Variants in TPST1 observed in about 807,000 individuals in gnomAD.
The protein encoded by TPST1 is protein-tyrosine sulfotransferase 1.
In TPST1, 20 loss-of-function variants were observed where a neutral mutation model predicts 34.8. The ratio of observed to expected loss-of-function variants is 0.57; its 90% CI spans 0.40 to 0.84. The LOEUF is 0.84. Ranked by LOEUF, TPST1 falls within the 40% of genes least tolerant of loss-of-function variation. The pLI is 0.00. For synonymous variants in TPST1, 152 were observed against 159.4 expected (o/e 0.95, Z 0.35); for missense variants, 353 against 455.5 (o/e 0.78, Z 2.05).
chr7:66,350,702 G>T (rs1259664066), intron 3 of TPST1, among the ~76,000 whole-genome samples: 1 of 152,146 alleles, frequency 6.6e-6, no homozygotes, highest in African/African-American at 2.4e-5. Context: ...TGCTCTGAAG[G>T]ACTATCCAGT....
At chr7:66,313,153 T>G (rs539400539) in intron 3 of TPST1, among the ~76,000 whole-genome samples, 11 of 152,058 alleles carry the variant, frequency 7.2e-5, no homozygotes, top group African/African-American at 2.6e-4. Context: ...CGGTGGCTCA[T>G]GCCTGTAATC....
intron 2 of TPST1, among the ~76,000 whole-genome samples, chr7:66,260,134 C>T (rs182318794): frequency 3.3e-5 from 5 of 152,158 alleles, no homozygotes; most frequent in East Asian, 1.9e-4. Flanking sequence ...ATCTCTTATC[C>T]GAAATGCTTG....
chr7:66,337,552 G>A (rs559186480), intron 3 of TPST1, among the ~76,000 whole-genome samples: 10 of 151,994 alleles, frequency 6.6e-5, no homozygotes, highest in Admixed American at 3.3e-4. Context: ...CAGGTGATCC[G>A]CCCATCTCGG....
At chr7:66,310,946 C>G (rs552379478) in intron 3 of TPST1, among the ~76,000 whole-genome samples, 1 of 152,134 alleles carries the variant, frequency 6.6e-6, no homozygotes, top group South Asian at 2.1e-4. Context: ...CCACCTTGGC[C>G]TCCCAAAGTT....
chr7:66,235,371 T>C (rs942607763), intron 1 of TPST1, among the ~76,000 whole-genome samples: 2 of 152,190 alleles, frequency 1.3e-5, no homozygotes, highest in Admixed American at 6.6e-5. Context: ...TTTTTTCTTA[T>C]TAAGCTGATA....
chr7:66,352,008 T>C (rs1471607372), intron 3 of TPST1, among the ~76,000 whole-genome samples: 1 of 152,204 alleles, frequency 6.6e-6, no homozygotes. Context: ...ACGGTTTATA[T>C]CATTTTAAGA....
At chr7:66,276,385 T>TATATATATATATA (rs1431495136) in intron 2 of TPST1, among the ~76,000 whole-genome samples, 19 of 137,686 alleles carry the variant, frequency 1.4e-4, no homozygotes, top group South Asian at 2.2e-4. Context: ...TATATATGTA[T>TATATATATATATA]TTTTTTGAGG....
intron 3 of TPST1, among the ~76,000 whole-genome samples, chr7:66,306,179 CT>C (rs1211344290): frequency 6.6e-6 from 1 of 152,172 alleles, no homozygotes; most frequent in Non-Finnish European, 1.5e-5. Context: ...AGACTGTTAT[CT>C]TGTATAGACT....
intron 1 of TPST1, among the ~76,000 whole-genome samples, chr7:66,208,268 C>T (rs1302822454): frequency 1.3e-5 from 2 of 152,124 alleles, no homozygotes; most frequent in South Asian, 2.1e-4. Context: ...CATTCACTAC[C>T]GTAAAATCAA....
intron 1 of TPST1, among the ~76,000 whole-genome samples, chr7:66,223,901 C>T (rs529873825): frequency 6.6e-6 from 1 of 152,268 alleles, no homozygotes; most frequent in South Asian, 2.1e-4. Context: ...TAACTTGAAC[C>T]TTTACAGATG....
At chr7:66,324,835 A>G (rs887050687) in intron 3 of TPST1, among the ~76,000 whole-genome samples, 13 of 148,598 alleles carry the variant, frequency 8.7e-5, no homozygotes, top group Non-Finnish European at 1.6e-4. Context: ...AAAAAACAAG[A>G]CAAAACACTC....
intron 2 of TPST1, among the ~76,000 whole-genome samples, chr7:66,247,209 C>T (rs531835507): frequency 6.6e-6 from 1 of 152,284 alleles, no homozygotes; most frequent in South Asian, 2.1e-4. Flanking sequence ...GGGCAGATCA[C>T]CTGAGGGCAG....
chr7:66,358,567 G>A (rs1251197733), intron 5 of TPST1, among the ~76,000 whole-genome samples: 3 of 152,132 alleles, frequency 2.0e-5, no homozygotes, highest in Non-Finnish European at 4.4e-5. Flanking sequence ...AATGTGACTT[G>A]CGGTGCGTTG....
intron 2 of TPST1, among the ~76,000 whole-genome samples, chr7:66,249,669 C>T (rs541675781): frequency 1.3e-4 from 20 of 152,320 alleles, no homozygotes; most frequent in African/African-American, 4.8e-4. Context: ...AATCATGCTA[C>T]GTTTTGTTTG....
chr7:66,257,674 A>C (rs1405331172), intron 2 of TPST1, among the ~76,000 whole-genome samples: 1 of 152,160 alleles, frequency 6.6e-6, no homozygotes, highest in Non-Finnish European at 1.5e-5. Context: ...ACTGGTGTTC[A>C]TTCCATTGGG....
chr7:66,254,839 G>A (rs1276913920), intron 2 of TPST1, among the ~76,000 whole-genome samples: 1 of 152,132 alleles, frequency 6.6e-6, no homozygotes, highest in Non-Finnish European at 1.5e-5. Context: ...ATAGTAGTAA[G>A]CAACCTTATT....
intron 1 of TPST1, among the ~76,000 whole-genome samples, chr7:66,225,515 G>C (rs1789636464): frequency 6.6e-6 from 1 of 152,132 alleles, no homozygotes; most frequent in Non-Finnish European, 1.5e-5. Flanking sequence ...GGGAGGCTGA[G>C]GCAGGAGAAT....
intron 2 of TPST1, among the ~76,000 whole-genome samples, chr7:66,271,944 G>GA (rs967544862): frequency 5.3e-4 from 81 of 152,116 alleles, no homozygotes; most frequent in African/African-American, 1.8e-3. Context: ...GTCTTTTACA[G>GA]AAAAAATTTG....
At chr7:66,267,085 C>G (rs1790608058) in intron 2 of TPST1, among the ~76,000 whole-genome samples, 1 of 151,986 alleles carries the variant, frequency 6.6e-6, no homozygotes, top group Non-Finnish European at 1.5e-5. Context: ...TTATTGAAAT[C>G]AAGGATGTAT....
Sources: allele counts gnomAD v4.1 joint callset (sites outside exome capture counted in the v4.1 genomes callset), GRCh38; gene constraint gnomAD v4.1.1; transcripts MANE v1.5; gene names NCBI Gene and HGNC (gene_info 2026-07-23, HGNC 2026-07-21).